Variants in LARGE1 observed in about 807,000 individuals in gnomAD.
LARGE1 encodes LARGE xylosyl- and glucuronyltransferase 1.
Under a neutral mutation model 87.6 loss-of-function variants are expected in LARGE1, and 43 were observed. The observed-to-expected ratio is 0.49, with a 90% CI of 0.38 to 0.63. LARGE1 has a LOEUF of 0.63. Ranked by LOEUF, LARGE1 falls within the 30% of genes least tolerant of loss-of-function variation. The probability of loss-of-function intolerance (pLI) is 0.00; values close to 1 mark genes in which losing one functional copy is unlikely to be tolerated. For missense variants in LARGE1, 802 were observed against 1,000.2 expected (o/e 0.80, Z 2.67); for synonymous variants, 434 against 394.6 (o/e 1.10, Z -1.18).
At chr22:33,136,560 AT>A in the LARGE1 span, among the ~76,000 whole-genome samples, 1 of 151,930 alleles carries the variant, frequency 6.6e-6, no homozygotes, top group African/African-American at 2.4e-5. Flanking sequence ...ACAAAGCAAT[AT>A]TTTTTTTACA....
intron 2 of LARGE1, among the ~76,000 whole-genome samples, chr22:33,709,135 G>C (rs1438929843): frequency 6.6e-6 from 1 of 152,118 alleles, no homozygotes; most frequent in Non-Finnish European, 1.5e-5. Context: ...CACAACTTCG[G>C]ACATGGAGGG....
At chr22:33,840,453 C>T (rs192594849) in intron 1 of LARGE1, among the ~76,000 whole-genome samples, 6 of 152,208 alleles carry the variant, frequency 3.9e-5, no homozygotes, top group Admixed American at 2.0e-4. Flanking sequence ...ATAGTTTAAT[C>T]TCTATTAGCT....
intron 3 of LARGE1, among the ~76,000 whole-genome samples, chr22:33,635,842 C>T (rs2080251644): frequency 6.6e-6 from 1 of 152,336 alleles, no homozygotes; most frequent in Non-Finnish European, 1.5e-5. Flanking sequence ...AATCTGTCCA[C>T]TCTAAATGCT....
At chr22:33,857,836 A>G (rs997333683) in intron 1 of LARGE1, among the ~76,000 whole-genome samples, 5 of 152,198 alleles carry the variant, frequency 3.3e-5, no homozygotes, top group Non-Finnish European at 7.3e-5. Context: ...CAGTGTGGCG[A>G]TTCCTCAAGG....
intron 5 of LARGE1, among the ~76,000 whole-genome samples, chr22:33,568,383 G>C (rs1003047550): frequency 6.6e-6 from 1 of 152,162 alleles, no homozygotes; most frequent in Non-Finnish European, 1.5e-5. Flanking sequence ...TGAGGGTTAC[G>C]GCAAGAGAGG....
intron 5 of LARGE1, among the ~76,000 whole-genome samples, chr22:33,598,846 G>A (rs908384699): frequency 6.6e-6 from 1 of 152,180 alleles, no homozygotes; most frequent in Non-Finnish European, 1.5e-5. Context: ...ATGTGCATGT[G>A]TCTTTATAGT....
chr22:33,489,914 G>C (rs1346644933), intron 6 of LARGE1, among the ~76,000 whole-genome samples: 2 of 152,144 alleles, frequency 1.3e-5, no homozygotes, highest in African/African-American at 4.8e-5. Flanking sequence ...GGCTGGGCTG[G>C]GTGGTGTTGC....
intron 11 of LARGE1, among the ~76,000 whole-genome samples, chr22:33,239,952 A>G (rs1926436732): frequency 6.6e-6 from 1 of 152,168 alleles, no homozygotes; most frequent in South Asian, 2.1e-4. Context: ...CTGACGTGGG[A>G]GAATATATAT....
intron 11 of LARGE1, among the ~76,000 whole-genome samples, chr22:33,201,589 C>T (rs966546335): frequency 7.2e-5 from 11 of 151,998 alleles, no homozygotes; most frequent in Non-Finnish European, 1.3e-4. Flanking sequence ...GTATGGGAGA[C>T]GGTCTGGTCA....
At chr22:33,496,203 C>T (rs141302420) in intron 6 of LARGE1, among the ~76,000 whole-genome samples, 1,654 of 152,120 alleles carry the variant, frequency 0.011, 30 homozygotes, top group African/African-American at 0.038. Context: ...TTATTCCGGC[C>T]GTGCTGGCAG....
intron 11 of LARGE1, among the ~76,000 whole-genome samples, chr22:33,185,790 C>T (rs1923443140): frequency 6.6e-6 from 1 of 151,844 alleles, no homozygotes; most frequent in South Asian, 2.1e-4. Context: ...TTGTTAAGTC[C>T]CTTTGAAGAC....
intron 11 of LARGE1, among the ~76,000 whole-genome samples, chr22:33,225,021 A>G (rs1029529816): frequency 2.6e-5 from 4 of 152,200 alleles, no homozygotes; most frequent in Non-Finnish European, 5.9e-5. Flanking sequence ...AGGTAATTCT[A>G]TACTCCACAT....
intron 2 of LARGE1, among the ~76,000 whole-genome samples, chr22:33,689,175 CTGTG>C (rs1343518891): frequency 2.0e-5 from 3 of 151,044 alleles, no homozygotes; most frequent in Non-Finnish European, 4.4e-5. Flanking sequence ...CTCCCCCCTC[CTGTG>C]TGTGTATGTG....
chr22:33,102,247 C>T, the LARGE1 span, among the ~76,000 whole-genome samples: 1 of 151,740 alleles, frequency 6.6e-6, no homozygotes, highest in South Asian at 2.1e-4. Flanking sequence ...TGACTCACTG[C>T]AACCTCCGCC....
the LARGE1 span, among the ~76,000 whole-genome samples, chr22:33,069,101 G>A: frequency 2.6e-5 from 4 of 152,194 alleles, no homozygotes; most frequent in East Asian, 3.9e-4. Context: ...ATACCTCATC[G>A]CCATCATTTC....
intron 5 of LARGE1, chr22:33,572,246 C>T (rs1415647463): frequency 1.4e-5 from 18 of 1,269,490 alleles, no homozygotes; most frequent in East Asian, 5.6e-5. Context: ...AAGTCATTTG[C>T]CTTTCATGTT....
At chr22:33,112,126 G>A in the LARGE1 span, among the ~76,000 whole-genome samples, 15 of 152,220 alleles carry the variant, frequency 9.9e-5, no homozygotes, top group African/African-American at 3.6e-4. Context: ...CTGTGCCTGT[G>A]TAGAGAATAG....
chr22:33,319,587 G>A (rs1175759790), intron 10 of LARGE1, among the ~76,000 whole-genome samples: 1 of 152,074 alleles, frequency 6.6e-6, no homozygotes, highest in Admixed American at 6.6e-5. Flanking sequence ...ATAGAGACAG[G>A]GTTTCACTAT....
At chr22:33,648,440 G>A (rs1334573804) in intron 3 of LARGE1, among the ~76,000 whole-genome samples, 1 of 152,080 alleles carries the variant, frequency 6.6e-6, no homozygotes, top group East Asian at 1.9e-4. Context: ...AATACGCTTG[G>A]AGAAAAAATT....
Sources: gnomAD v4.1 joint callset for allele counts (sites outside exome capture counted in the v4.1 genomes callset) on GRCh38, gnomAD v4.1.1 for gene constraint, MANE v1.5 for transcripts, NCBI Gene and HGNC (gene_info 2026-07-23, HGNC 2026-07-21) for gene names.